TSEN2: variants seen among roughly 807,000 people sequenced by gnomAD.
TSEN2 encodes tRNA-splicing endonuclease subunit Sen2.
A neutral mutation model predicts 59.2 loss-of-function variants in TSEN2; 54 were observed. That is an observed-to-expected ratio of 0.91 (90% CI 0.73 to 1.14). The LOEUF is 1.14. TSEN2 is among the 50% of genes most tolerant of loss of function. The pLI is 0.00. For missense variants in TSEN2, 636 were observed against 576.2 expected (o/e 1.10, Z -1.06); for synonymous variants, 195 against 198.2 (o/e 0.98, Z 0.14).
At chr3:12,500,936 T>TGCA (rs2054223458) in intron 4 of TSEN2, among the ~76,000 whole-genome samples, 2 of 152,230 alleles carry the variant, frequency 1.3e-5, no homozygotes, top group Non-Finnish European at 2.9e-5. Flanking sequence ...TATTGACCCT[T>TGCA]TAAATCAGTG....
intron 10 of TSEN2, 108 bp downstream of exon 10, chr3:12,529,981 C>T (rs1405171339): frequency 1.8e-5 from 27 of 1,512,642 alleles, no homozygotes; most frequent in Non-Finnish European, 2.4e-5. Context: ...AACTTCATAA[C>T]ATTCCTGCCA....
At chr3:12,532,338 A>G (rs1027433089) in intron 11 of TSEN2, among the ~76,000 whole-genome samples, 2 of 152,156 alleles carry the variant, frequency 1.3e-5, no homozygotes, top group Non-Finnish European at 1.5e-5. Flanking sequence ...TGGCCCCGTT[A>G]CAGCAATGCC....
At chr3:12,528,831 A>T in intron 8 of TSEN2, 57 bp from the exon 9 acceptor site, 3 of 1,584,238 alleles carry the variant, frequency 1.9e-6, no homozygotes, top group Non-Finnish European at 2.6e-6. Flanking sequence ...GTTGAGTCTT[A>T]CTCCTCTCTC....
At chr3:12,516,466 G>T (rs1646828764) in intron 6 of TSEN2, 145 bp from the exon 7 acceptor site, 8 of 684,610 alleles carry the variant, frequency 1.2e-5, no homozygotes, top group Non-Finnish European at 1.9e-5. Flanking sequence ...GTGTGTGTGT[G>T]TGTGTGTGTG....
At chr3:12,528,651 G>A (rs1470622882) in intron 8 of TSEN2, among the ~76,000 whole-genome samples, 1 of 152,196 alleles carries the variant, frequency 6.6e-6, no homozygotes, top group African/African-American at 2.4e-5. Flanking sequence ...GCCCAAGAGG[G>A]CAAGTCTGCA....
intron 8 of TSEN2, among the ~76,000 whole-genome samples, chr3:12,524,414 C>T (rs2056912432): frequency 6.6e-6 from 1 of 152,218 alleles, no homozygotes; most frequent in Admixed American, 6.5e-5. Flanking sequence ...CCTCCAAAGG[C>T]TCTGGGAGAG....
chr3:12,529,060 A>G, intron 9 of TSEN2, 136 bp downstream of exon 9: 1 of 838,328 alleles, frequency 1.2e-6, no homozygotes, highest in Non-Finnish European at 2.1e-6. Flanking sequence ...CTATATGTTC[A>G]TGCCTCCTTA....
chr3:12,517,336 C>A (rs895817941), intron 7 of TSEN2, among the ~76,000 whole-genome samples: 25 of 131,398 alleles, frequency 1.9e-4, no homozygotes, highest in African/African-American at 7.9e-4. Flanking sequence ...CCAGCCTGGG[C>A]GACAGACCGA....
chr3:12,525,529 G>A (rs2057004585), intron 8 of TSEN2, among the ~76,000 whole-genome samples: 1 of 150,184 alleles, frequency 6.7e-6, no homozygotes, highest in African/African-American at 2.5e-5. Flanking sequence ...TATACTCCCT[G>A]TTCTTTCAGA....
intron 8 of TSEN2, among the ~76,000 whole-genome samples, chr3:12,527,211 T>C (rs1198891395): frequency 6.6e-6 from 1 of 152,132 alleles, no homozygotes; most frequent in Non-Finnish European, 1.5e-5. Flanking sequence ...ACAACTTAAA[T>C]AGGAAATACA....
chr3:12,503,235 G>A (rs201827493), intron 4 of TSEN2, 27 bp from the exon 5 acceptor site: 705 of 1,614,054 alleles, frequency 4.4e-4, no homozygotes, highest in Non-Finnish European at 4.8e-4. Flanking sequence ...TTCGAGTGCT[G>A]TTTCTAACAG....
chr3:12,507,319 TC>T (rs2054944510), intron 6 of TSEN2, among the ~76,000 whole-genome samples: 1 of 152,196 alleles, frequency 6.6e-6, no homozygotes, highest in African/African-American at 2.4e-5. Context: ...GCGTAGGCAT[TC>T]CCAGCACTGT....
At chr3:12,495,406 T>C (rs1189624840) in intron 3 of TSEN2, among the ~76,000 whole-genome samples, 4 of 152,134 alleles carry the variant, frequency 2.6e-5, no homozygotes, top group Admixed American at 6.5e-5. Context: ...ATTTTTGTGT[T>C]TTTTGTAGAG....
intron 3 of TSEN2, among the ~76,000 whole-genome samples, chr3:12,495,806 A>G (rs1391384184): frequency 2.0e-5 from 3 of 152,180 alleles, no homozygotes; most frequent in Admixed American, 1.3e-4. Flanking sequence ...CAGAGTTAGG[A>G]AAAGACCAGG....
At chr3:12,527,492 C>T (rs565492924) in intron 8 of TSEN2, among the ~76,000 whole-genome samples, 1 of 136,288 alleles carries the variant, frequency 7.3e-6, no homozygotes, top group East Asian at 2.1e-4. Flanking sequence ...CTCGCTCTGT[C>T]GCCCAGGCTG....
In TSEN2 at chr3:12,496,680, A is replaced by G. The variant is rs549016166; in HGVS notation, c.308+126A>G. 2,639 of 895,174 alleles carry G rather than the reference A, an allele frequency of 2.9e-3. 13 individuals carry two copies. The highest frequency in any genetic ancestry group is 4.3e-3 in the Non-Finnish European group (2,368 of 552,878). The allele number at this position is 895,174 out of a possible 1,614,324, so 55.5% of individuals were successfully genotyped here. A position where few individuals can be genotyped will look rare whatever the true frequency, so the allele number is the denominator to read the frequency against. On this transcript the variant is annotated intron_variant, in intron 4 of 11. Transcript: ENST00000284995. ...TCTTTCTGTTTTTGGTAGTAGATGT[A>G]TCCTTGAAAATTATGTTGGAATTTA...
intron 6 of TSEN2, among the ~76,000 whole-genome samples, chr3:12,507,829 T>C (rs181551092): frequency 3.9e-4 from 60 of 152,278 alleles, no homozygotes; most frequent in Admixed American, 1.2e-3. Context: ...ATGTACAAGA[T>C]AGGGAATTTG....
chr3:12,491,490 C>T (rs1365382977), intron 2 of TSEN2, among the ~76,000 whole-genome samples: 4 of 152,170 alleles, frequency 2.6e-5, no homozygotes, highest in African/African-American at 9.7e-5. Flanking sequence ...GGCAGCATGG[C>T]TCCTGCCTTC....
intron 3 of TSEN2, among the ~76,000 whole-genome samples, chr3:12,495,057 C>T (rs1037931344): frequency 2.4e-5 from 3 of 124,320 alleles, no homozygotes; most frequent in African/African-American, 3.2e-5. Context: ...ACCCTGGAGG[C>T]GGAGGTTGCA....
Sources: allele counts gnomAD v4.1 joint callset (sites outside exome capture counted in the v4.1 genomes callset), GRCh38; gene constraint gnomAD v4.1.1; transcripts MANE v1.5; gene names NCBI Gene and HGNC (gene_info 2026-07-23, HGNC 2026-07-21).